The following TMEFF1 variants were observed in gnomAD, a reference collection of about 807,000 sequenced individuals.
TMEFF1 encodes transmembrane protein with EGF like and two follistatin like domains 1.
In TMEFF1, 20 loss-of-function variants were observed where a neutral mutation model predicts 47.5. That is an observed-to-expected ratio of 0.42 (90% confidence interval 0.30 to 0.61). The LOEUF (loss-of-function observed/expected upper bound fraction) is 0.61. Among genes scored for constraint, TMEFF1 ranks in the 20% least tolerant of loss-of-function variants. The probability of loss-of-function intolerance (pLI) is 0.19; values close to 1 mark genes in which losing one functional copy is unlikely to be tolerated. For missense variants in TMEFF1, 411 were observed against 471.1 expected (o/e 0.87, Z 1.18); for synonymous variants, 162 against 166.3 (o/e 0.97, Z 0.20).
intron 7 of TMEFF1, among the ~76,000 whole-genome samples, chr9:100,554,176 T>C (rs1337437747): frequency 1.3e-5 from 2 of 152,208 alleles, no homozygotes; most frequent in African/African-American, 4.8e-5. Context: ...GATAGCGAGA[T>C]AGTGATATCA....
chr9:100,501,305 C>T (rs183020373), intron 2 of TMEFF1, among the ~76,000 whole-genome samples: 8 of 152,210 alleles, frequency 5.3e-5, no homozygotes, highest in Admixed American at 5.2e-4. Context: ...TTCCCCTCAA[C>T]CTTTTGATAG....
chr9:100,573,467 T>C (rs1839285945), intron 9 of TMEFF1, among the ~76,000 whole-genome samples: 1 of 152,218 alleles, frequency 6.6e-6, no homozygotes, highest in Non-Finnish European at 1.5e-5. Flanking sequence ...CAGACTGAAC[T>C]GGGCCTGAGA....
chr9:100,539,241 G>A (rs1838576354), intron 5 of TMEFF1, among the ~76,000 whole-genome samples: 1 of 152,186 alleles, frequency 6.6e-6, no homozygotes, highest in South Asian at 2.1e-4. Flanking sequence ...TTGCCTTGTT[G>A]TGAAGTTGTT....
At chr9:100,522,774 G>A (rs1424473774) in intron 5 of TMEFF1, among the ~76,000 whole-genome samples, 1 of 151,926 alleles carries the variant, frequency 6.6e-6, no homozygotes, top group Non-Finnish European at 1.5e-5. Flanking sequence ...TTGCTCTGTC[G>A]CCCAGGCTGG....
At chr9:100,519,094 A>G (rs1438576361) in intron 5 of TMEFF1, among the ~76,000 whole-genome samples, 1 of 152,192 alleles carries the variant, frequency 6.6e-6, no homozygotes, top group East Asian at 1.9e-4. Flanking sequence ...CTGCATTGGA[A>G]TCAGAGTATT....
chr9:100,550,789 T>C (rs1347274446), intron 7 of TMEFF1, among the ~76,000 whole-genome samples: 2 of 152,332 alleles, frequency 1.3e-5, no homozygotes, highest in East Asian at 3.9e-4. Context: ...CCTAGCCGAA[T>C]ATCTGGTACA....
intron 9 of TMEFF1, 125 bp downstream of exon 9, chr9:100,572,801 G>A: frequency 2.5e-6 from 3 of 1,221,272 alleles, no homozygotes; most frequent in East Asian, 2.7e-5. Flanking sequence ...GTTTTCAGTG[G>A]TCTCTCCCTA....
intron 5 of TMEFF1, among the ~76,000 whole-genome samples, chr9:100,532,383 A>G (rs1838401681): frequency 6.6e-6 from 1 of 152,362 alleles, no homozygotes; most frequent in African/African-American, 2.4e-5. Context: ...ATGAACTCCA[A>G]CAAATTTACA....
chr9:100,512,285 C>A (rs551745065), intron 3 of TMEFF1, among the ~76,000 whole-genome samples: 1 of 152,228 alleles, frequency 6.6e-6, no homozygotes, highest in East Asian at 1.9e-4. Flanking sequence ...TTAAGACTTT[C>A]CATAAAATCC....
At chr9:100,489,575 C>T (rs1837513302) in intron 1 of TMEFF1, among the ~76,000 whole-genome samples, 1 of 152,022 alleles carries the variant, frequency 6.6e-6, no homozygotes, top group Non-Finnish European at 1.5e-5. Flanking sequence ...TTGTAAAACT[C>T]AATTCAGAAA....
At chr9:100,516,877 T>A in intron 5 of TMEFF1, 106 bp downstream of exon 5, 2 of 1,391,696 alleles carry the variant, frequency 1.4e-6, no homozygotes, top group Non-Finnish European at 1.9e-6. Context: ...TTTGTGTGTT[T>A]TCAAATTTTT....
intron 5 of TMEFF1, among the ~76,000 whole-genome samples, chr9:100,537,197 C>G (rs574350255): frequency 6.6e-6 from 1 of 152,306 alleles, no homozygotes; most frequent in Admixed American, 6.5e-5. Flanking sequence ...AAAGTTAATG[C>G]AATCCTGCCT....
chr9:100,499,024 G>T (rs563916345), intron 2 of TMEFF1, 150 bp downstream of exon 2: 90 of 704,498 alleles, frequency 1.3e-4, no homozygotes, highest in Non-Finnish European at 2.0e-4. Flanking sequence ...ATGATGCCCT[G>T]TTATTTGTAT....
rs139746224 is a variant in TMEFF1 at position 100,473,508 on chromosome 9, G to A, written c.-37G>A. ...GCGCGGCTGGATGCCCCCGGCCTGCGGCTCCCTGCGCTTCCCGCCGTCCAG... is the reference window on the plus strand; with the variant it reads ...GCGCGGCTGGATGCCCCCGGCCTGCAGCTCCCTGCGCTTCCCGCCGTCCAG... On this transcript the variant is annotated 5_prime_UTR_variant, in exon 1 of 10. Transcript: ENST00000374879. This position sits in a 1 kb window ranked among gnomAD's most constrained non-coding sequence, Gnocchi z 5.4. The A allele has an allele frequency of 0.035, 47,461 of 1,354,366 alleles. 2,520 individuals are homozygous for A. The highest frequency in any genetic ancestry group is 0.21 in the South Asian group (11,577 of 55,536). The allele number at this position is 1,354,366 out of a possible 1,614,324, so 83.9% of individuals were successfully genotyped here. A position where few individuals can be genotyped will look rare whatever the true frequency, so the allele number is the denominator to read the frequency against.
chr9:100,501,601 C>T (rs1226992565), intron 2 of TMEFF1, among the ~76,000 whole-genome samples: 3 of 151,994 alleles, frequency 2.0e-5, no homozygotes, highest in African/African-American at 4.8e-5. Flanking sequence ...AACTCATAAA[C>T]TCTCAAGAGA....
At chr9:100,497,763 A>T (rs1386447306) in intron 1 of TMEFF1, among the ~76,000 whole-genome samples, 2 of 152,188 alleles carry the variant, frequency 1.3e-5, no homozygotes, top group African/African-American at 2.4e-5. Context: ...ATGCTCCCTT[A>T]GATCTCTTTG....
At chr9:100,520,160 T>C (rs1016322316) in intron 5 of TMEFF1, among the ~76,000 whole-genome samples, 2 of 152,154 alleles carry the variant, frequency 1.3e-5, no homozygotes, top group African/African-American at 4.8e-5. Context: ...AAAATTTTAT[T>C]GTATGCCAGC....
At chr9:100,556,705 C>T (rs1838921438) in intron 7 of TMEFF1, among the ~76,000 whole-genome samples, 1 of 152,292 alleles carries the variant, frequency 6.6e-6, no homozygotes, top group East Asian at 1.9e-4. Context: ...CCTCCAAGGA[C>T]CCTTCCAGAT....
At chr9:100,492,431 C>T (rs182416899) in intron 1 of TMEFF1, among the ~76,000 whole-genome samples, 256 of 152,266 alleles carry the variant, frequency 1.7e-3, no homozygotes, top group Non-Finnish European at 2.6e-3. Context: ...GTAGCTGACT[C>T]TTGAAGCACA....
Sources: allele counts gnomAD v4.1 joint callset (sites outside exome capture counted in the v4.1 genomes callset), GRCh38; gene constraint gnomAD v4.1.1; non-coding constraint Gnocchi (gnomAD v3.1); transcripts MANE v1.5; gene names NCBI Gene and HGNC (gene_info 2026-07-23, HGNC 2026-07-21).